Variants in ENOX1 observed in about 807,000 individuals in gnomAD.
The protein encoded by ENOX1 is ecto-NOX disulfide-thiol exchanger 1.
Under a neutral mutation model 82.5 loss-of-function variants are expected in ENOX1, and 42 were observed. That is an observed-to-expected ratio of 0.51 (90% CI 0.40 to 0.66). The LOEUF (loss-of-function observed/expected upper bound fraction) is 0.66, where lower values mean the gene tolerates loss of function less well. Ranked by LOEUF, ENOX1 falls within the 30% of genes least tolerant of loss-of-function variation. The pLI, the probability that ENOX1 is intolerant of heterozygous loss-of-function variation, is 0.00. For missense variants in ENOX1, 608 were observed against 811.6 expected, an observed-to-expected ratio of 0.75 and a Z score of 3.05; for synonymous variants, 271 against 282.2, an observed-to-expected ratio of 0.96 and a Z score of 0.40.
At chr13:43,705,787 A>G (rs1054563856) in intron 1 of ENOX1, among the ~76,000 whole-genome samples, 1 of 152,174 alleles carries the variant, frequency 6.6e-6, no homozygotes, top group African/African-American at 2.4e-5. Context: ...TGAATGCAGA[A>G]GATTTGAACA....
chr13:43,564,042 C>A (rs920271892), intron 2 of ENOX1, among the ~76,000 whole-genome samples: 40 of 151,882 alleles, frequency 2.6e-4, no homozygotes, highest in Non-Finnish European at 5.9e-5. Flanking sequence ...ATACCAAAAC[C>A]AGACAAAGAC....
chr13:43,337,175 A>G (rs1237530856), intron 9 of ENOX1, among the ~76,000 whole-genome samples: 1 of 152,228 alleles, frequency 6.6e-6, no homozygotes, highest in African/African-American at 2.4e-5. Flanking sequence ...ATTAGGTTCT[A>G]GCCCAATTTT....
chr13:43,459,708 C>T (rs2057379181), intron 3 of ENOX1, among the ~76,000 whole-genome samples: 1 of 152,040 alleles, frequency 6.6e-6, no homozygotes, highest in Non-Finnish European at 1.5e-5. Context: ...AAATAACTAT[C>T]CTCTGCTGGG....
chr13:43,773,818 T>C (rs1951778435), intron 1 of ENOX1, among the ~76,000 whole-genome samples: 1 of 152,240 alleles, frequency 6.6e-6, no homozygotes, highest in Non-Finnish European at 1.5e-5. Flanking sequence ...GCTTATTTTG[T>C]TCACCACTAT....
chr13:43,341,824 A>G (rs1214885301), intron 9 of ENOX1, among the ~76,000 whole-genome samples: 1 of 152,186 alleles, frequency 6.6e-6, no homozygotes, highest in Non-Finnish European at 1.5e-5. Context: ...GTCAAAAATT[A>G]TATTTCTCGC....
chr13:43,700,066 C>A (rs1282223899), intron 1 of ENOX1, among the ~76,000 whole-genome samples: 1 of 151,996 alleles, frequency 6.6e-6, no homozygotes, highest in Non-Finnish European at 1.5e-5. Context: ...ATTTTTGTAC[C>A]TGTTAACAAT....
intron 12 of ENOX1, among the ~76,000 whole-genome samples, chr13:43,282,016 G>T (rs1407814250): frequency 1.3e-5 from 2 of 152,090 alleles, no homozygotes; most frequent in Non-Finnish European, 2.9e-5. Context: ...TGTCACTGAG[G>T]TTGCTGGGGA....
chr13:43,724,763 GCTCT>G (rs1022409619), intron 1 of ENOX1, among the ~76,000 whole-genome samples: 1 of 152,088 alleles, frequency 6.6e-6, no homozygotes, highest in Non-Finnish European at 1.5e-5. Context: ...TCAAAAGAAG[GCTCT>G]CTCTTTCTTC....
chr13:43,686,151 CG>C (rs1307263731), intron 1 of ENOX1, among the ~76,000 whole-genome samples: 3 of 152,086 alleles, frequency 2.0e-5, no homozygotes, highest in African/African-American at 4.8e-5. Context: ...AAGTAGCTCT[CG>C]GGATATACCA....
intron 2 of ENOX1, among the ~76,000 whole-genome samples, chr13:43,506,654 C>T (rs1353663843): frequency 7.5e-6 from 1 of 134,094 alleles, no homozygotes; most frequent in African/African-American, 2.7e-5. Context: ...TACTATGCAG[C>T]CATAAAAAAT....
At chr13:43,725,263 C>CA (rs944883967) in intron 1 of ENOX1, among the ~76,000 whole-genome samples, 1 of 152,104 alleles carries the variant, frequency 6.6e-6, no homozygotes, top group Non-Finnish European at 1.5e-5. Flanking sequence ...ACTGGTTGAG[C>CA]AACTACCAGC....
chr13:43,288,006 C>T (rs2045797113), intron 12 of ENOX1, among the ~76,000 whole-genome samples: 1 of 152,164 alleles, frequency 6.6e-6, no homozygotes, highest in African/African-American at 2.4e-5. Context: ...CACACACTGC[C>T]AGCAGGAACC....
intron 3 of ENOX1, among the ~76,000 whole-genome samples, chr13:43,455,937 T>A (rs2057205592): frequency 6.6e-6 from 1 of 152,200 alleles, no homozygotes; most frequent in Non-Finnish European, 1.5e-5. Flanking sequence ...TCCATTAAAC[T>A]TCTTTTTTTA....
At chr13:43,530,210 T>C (rs1021784027) in intron 2 of ENOX1, among the ~76,000 whole-genome samples, 13 of 152,148 alleles carry the variant, frequency 8.5e-5, no homozygotes, top group African/African-American at 3.1e-4. Context: ...AAGTTTGACA[T>C]TGATATTGTT....
intron 2 of ENOX1, among the ~76,000 whole-genome samples, chr13:43,637,397 C>T (rs908961900): frequency 2.0e-5 from 3 of 152,108 alleles, no homozygotes; most frequent in Non-Finnish European, 4.4e-5. Context: ...GAAGCCATGA[C>T]TTAAGGAGAG....
chr13:43,229,665 G>A (rs1035204616), intron 15 of ENOX1, among the ~76,000 whole-genome samples: 2 of 152,214 alleles, frequency 1.3e-5, no homozygotes, highest in Non-Finnish European at 2.9e-5. Flanking sequence ...AGCAGAGGGG[G>A]AACTGGGAGG....
intron 3 of ENOX1, among the ~76,000 whole-genome samples, chr13:43,419,252 G>A (rs2054828947): frequency 6.6e-6 from 1 of 152,158 alleles, no homozygotes; most frequent in South Asian, 2.1e-4. Flanking sequence ...GCTGGGTGTG[G>A]TGGCTCATAT....
At chr13:43,574,468 ATACAT>A (rs1318504158) in intron 2 of ENOX1, among the ~76,000 whole-genome samples, 1 of 152,190 alleles carries the variant, frequency 6.6e-6, no homozygotes, top group Non-Finnish European at 1.5e-5. Flanking sequence ...TCATTGTACA[ATACAT>A]TAATTTCTAC....
chr13:43,508,070 A>G (rs1395012941), intron 2 of ENOX1, among the ~76,000 whole-genome samples: 1 of 152,010 alleles, frequency 6.6e-6, no homozygotes, highest in Non-Finnish European at 1.5e-5. Flanking sequence ...GGGAGGAGTT[A>G]TAGAAAGAAT....
Sources: allele counts gnomAD v4.1 joint callset (sites outside exome capture counted in the v4.1 genomes callset), GRCh38; gene constraint gnomAD v4.1.1; transcripts MANE v1.5; gene names NCBI Gene and HGNC (gene_info 2026-07-23, HGNC 2026-07-21).